Variants in SUGCT observed in about 807,000 individuals in gnomAD.
SUGCT encodes succinyl-CoA:glutarate-CoA transferase.
Under a neutral mutation model 55.0 loss-of-function variants are expected in SUGCT, and 41 were observed. The ratio of observed to expected loss-of-function variants is 0.74; its 90% CI spans 0.58 to 0.97. The LOEUF is 0.97. SUGCT is among the 50% of genes least tolerant of loss of function. SUGCT has a pLI of 0.00. For synonymous variants in SUGCT, 187 were observed against 200.4 expected, an observed-to-expected ratio of 0.93 and a Z score of 0.56; for missense variants, 568 against 547.8, an observed-to-expected ratio of 1.04 and a Z score of -0.37.
At chr7:40,838,969 G>T (rs1793137826) in intron 13 of SUGCT, among the ~76,000 whole-genome samples, 1 of 146,948 alleles carries the variant, frequency 6.8e-6, no homozygotes. Flanking sequence ...TTCACATGTA[G>T]GTGTTGTATT....
chr7:40,333,905 C>T (rs1796509317), intron 9 of SUGCT, among the ~76,000 whole-genome samples: 2 of 151,458 alleles, frequency 1.3e-5, no homozygotes. Context: ...CTCCCCACTC[C>T]CCGCACCCCA....
Position 40,710,632 on chromosome 7 carries a change from C to A in SUGCT, c.1090-38802C>A, listed in dbSNP as rs540954101. ...TTCTAAAATCATACCTAAAGAAAAA[C>A]AAATGAGAAAAACTTTATAATCACA... On this transcript the variant is annotated intron_variant, in intron 12 of 13. Coordinates refer to ENST00000335693, the MANE Select transcript of SUGCT (RefSeq NM_001193313.2). 2.3e-4 allele frequency among the ~76,000 whole-genome samples: 35 copies of A among 151,964 alleles called. 1 individual carries two copies. The highest frequency in any genetic ancestry group is 6.8e-3 in the Middle Eastern group (2 of 294).
Position 40,516,112 on chromosome 7 carries a change from A to G in SUGCT, c.1089+19726A>G, listed in dbSNP as rs374259526. Among the ~76,000 whole-genome samples the G allele has an allele frequency of 1.4e-4, 22 of 152,240 alleles. 1 individual carries two copies. The highest frequency in any genetic ancestry group is 4.8e-4 in the African/African-American group (20 of 41,552). On this transcript the variant is annotated intron_variant, in intron 12 of 13. Transcript: ENST00000335693. ...TTTTATTTGCATTACACTAATGACAATGATGTTGAAAATCTTTTAAGGTAT... is the reference window on the plus strand; with the variant it reads ...TTTTATTTGCATTACACTAATGACAGTGATGTTGAAAATCTTTTAAGGTAT...
At chr7:40,382,629 T>A (rs1476561286) in intron 9 of SUGCT, among the ~76,000 whole-genome samples, 1 of 152,188 alleles carries the variant, frequency 6.6e-6, no homozygotes, top group Non-Finnish European at 1.5e-5. Flanking sequence ...TGGAGATGAA[T>A]AAAATGGAAC....
chr7:40,189,850 C>T (rs1468630894), intron 5 of SUGCT, among the ~76,000 whole-genome samples: 5 of 152,106 alleles, frequency 3.3e-5, no homozygotes, highest in South Asian at 2.1e-4. Flanking sequence ...TGGGCTTGGG[C>T]ACTTTGCTCA....
intron 12 of SUGCT, among the ~76,000 whole-genome samples, chr7:40,741,388 C>T (rs1033576327): frequency 3.9e-5 from 6 of 152,134 alleles, no homozygotes; most frequent in Admixed American, 3.3e-4. Flanking sequence ...ATATACTCAA[C>T]CTGATTAGTA....
chr7:40,418,043 T>C (rs888134807), intron 9 of SUGCT, among the ~76,000 whole-genome samples: 1 of 152,204 alleles, frequency 6.6e-6, no homozygotes, highest in Admixed American at 6.5e-5. Context: ...CAGATGTGTA[T>C]GGTTTTTTGA....
chr7:40,582,199 C>T (rs1039910042), intron 12 of SUGCT, among the ~76,000 whole-genome samples: 2 of 151,976 alleles, frequency 1.3e-5, no homozygotes, highest in African/African-American at 2.4e-5. Context: ...ATAAGGTCAT[C>T]ACAGATTACA....
At chr7:40,593,058 C>G (rs185398153) in intron 12 of SUGCT, among the ~76,000 whole-genome samples, 33 of 152,208 alleles carry the variant, frequency 2.2e-4, no homozygotes, top group African/African-American at 7.5e-4. Flanking sequence ...AGATTCTGAG[C>G]GGCTGGTAGG....
intron 1 of SUGCT, among the ~76,000 whole-genome samples, chr7:40,137,467 A>T (rs1009434840): frequency 2.6e-5 from 4 of 152,130 alleles, no homozygotes; most frequent in African/African-American, 9.7e-5. Flanking sequence ...AGTTTAACTG[A>T]TGGACGCCTA....
chr7:40,864,655 G>A (rs1025131335), downstream of SUGCT, among the ~76,000 whole-genome samples: 2 of 151,898 alleles, frequency 1.3e-5, no homozygotes, highest in African/African-American at 2.4e-5. Flanking sequence ...ACACACTAGG[G>A]AAAACAAGTA....
intron 9 of SUGCT, among the ~76,000 whole-genome samples, chr7:40,339,419 G>A (rs1275025043): frequency 6.6e-6 from 1 of 152,106 alleles, no homozygotes; most frequent in East Asian, 1.9e-4. Flanking sequence ...TGGCCGCTTT[G>A]TTTACCTACT....
At chr7:40,274,366 A>G in intron 7 of SUGCT, 147 bp from the exon 8 acceptor site, 1 of 767,904 alleles carries the variant, frequency 1.3e-6, no homozygotes, top group Non-Finnish European at 2.0e-6. Flanking sequence ...CACAATAGCA[A>G]TTTATTTTAT....
chr7:40,917,902 C>T, the SUGCT span, among the ~76,000 whole-genome samples: 2 of 152,122 alleles, frequency 1.3e-5, no homozygotes, highest in East Asian at 3.9e-4. Context: ...GGCTCCATCT[C>T]TTAATACCAT....
the SUGCT span, among the ~76,000 whole-genome samples, chr7:40,968,941 T>C: frequency 0.33 from 49,545 of 152,108 alleles, 8,896 homozygotes; most frequent in Admixed American, 0.44. Context: ...TGTAGCCAAG[T>C]GGATCCTGAG....
intron 1 of SUGCT, among the ~76,000 whole-genome samples, chr7:40,144,935 A>T (rs1355398227): frequency 6.6e-6 from 1 of 152,216 alleles, no homozygotes; most frequent in Admixed American, 6.5e-5. Context: ...AGACACATTT[A>T]TCCAATTTTT....
chr7:40,213,130 T>C (rs1787438709), intron 6 of SUGCT, among the ~76,000 whole-genome samples: 1 of 152,224 alleles, frequency 6.6e-6, no homozygotes, highest in South Asian at 2.1e-4. Flanking sequence ...TCTTATCAAT[T>C]ATCTTATCAA....
chr7:40,679,152 CTG>C (rs922537718), intron 12 of SUGCT, among the ~76,000 whole-genome samples: 5 of 152,300 alleles, frequency 3.3e-5, no homozygotes, highest in African/African-American at 7.2e-5. Flanking sequence ...ACAAACGTCT[CTG>C]TAGTATGTCT....
intron 12 of SUGCT, among the ~76,000 whole-genome samples, chr7:40,642,729 A>G (rs1478411026): frequency 6.6e-6 from 1 of 152,210 alleles, no homozygotes; most frequent in African/African-American, 2.4e-5. Flanking sequence ...CATGTGATTC[A>G]GTGTTTCCAT....
Sources: allele counts gnomAD v4.1 joint callset (sites outside exome capture counted in the v4.1 genomes callset), GRCh38; gene constraint gnomAD v4.1.1; transcripts MANE v1.5; gene names NCBI Gene and HGNC (gene_info 2026-07-23, HGNC 2026-07-21).